Variants in MDN1 observed in about 807,000 individuals in gnomAD.
The protein encoded by MDN1 is midasin AAA ATPase 1, also known as midasin.
MDN1 carries 266 observed loss-of-function variants against 669.2 expected under a neutral mutation model. The ratio of observed to expected loss-of-function variants is 0.40; its 90% CI spans 0.36 to 0.44. MDN1 has a LOEUF of 0.44. MDN1 is among the 20% of genes least tolerant of loss of function. MDN1 has a pLI of 1.00. For missense variants in MDN1, 5,940 were observed against 6,754.0 expected (o/e 0.88, Z 4.22); for synonymous variants, 2,385 against 2,457.1 (o/e 0.97, Z 0.87).
At chr6:89,710,818 G>A in intron 49 of MDN1, 24 bp from the exon 50 acceptor site, 1 of 1,404,648 alleles carries the variant, frequency 7.1e-7, no homozygotes, top group Non-Finnish European at 1.0e-6. Flanking sequence ...AGAAACCAGT[G>A]TTAGACTCTA....
rs1445412134 is a variant in MDN1, at chr6:89,753,636, A to T, written c.2965-14T>A. On this transcript the variant is annotated splice_polypyrimidine_tract_variant and intron_variant, in intron 21 of 101. Transcript: ENST00000369393. ...CAAACAAAAACCCTAGAAAGAAAAG[A>T]CAAATATGCATAATGCTAAATAACC... is the stretch of plus-strand genomic sequence containing the variant. The T allele has an allele frequency of 1.3e-6, 2 of 1,566,682 alleles. No individual in the cohort carries two copies. Among genetic ancestry groups the T allele is most frequent in the Non-Finnish European group, 1.8e-6 (2 of 1,136,848 alleles).
Position 89,713,197 on chromosome 6 carries a change from G to A in MDN1, c.7169C>T (p.Ala2390Val). 1 of 1,614,134 alleles carries A rather than the reference G, an allele frequency of 6.2e-7. No homozygotes were observed. Among genetic ancestry groups the A allele is most frequent in the Admixed American group, 1.7e-5 (1 of 60,024 alleles). ...GLSLDRAFSE[A>V]CWEVYVCSQH... ...GGAACAGACATATACTTCCCAGCATGCTTCAGAAAAGGCTCTGTCTAAACT... is the reference window on the plus strand; with the variant it reads ...GGAACAGACATATACTTCCCAGCATACTTCAGAAAAGGCTCTGTCTAAACT... Residue 2390 changes from alanine to valine, a missense_variant, in exon 47 of 102, where the codon GCA becomes GTA. Physicochemically the swap from Ala to Val is moderately conservative, Grantham distance 64. Transcript: ENST00000369393.
At chr6:89,743,013 T>C in intron 31 of MDN1, 137 bp downstream of exon 31, 1 of 1,041,582 alleles carries the variant, frequency 9.6e-7, no homozygotes, top group Non-Finnish European at 1.4e-6. Context: ...GCCCAGAAGT[T>C]TGAGGCTACA....
Position 89,694,099 on chromosome 6 carries a change from C to T in MDN1, c.9856G>A (p.Val3286Ile), listed in dbSNP as rs1177689521. 5.6e-6 allele frequency: 9 copies of T among 1,614,188 alleles called. No homozygotes were observed. The Admixed American group carries it at 8.3e-5, about 15-fold the overall frequency. The change falls in exon 62 of 102, where the codon GTC (valine) becomes ATC (isoleucine). Residue 3286 changes from valine (V) to isoleucine (I), a missense_variant. Around this residue, in one of 5 missense-constraint regions of MDN1, gnomAD observed 2,292 missense variants for 2,638.3 expected, o/e 0.87. Coordinates refer to ENST00000369393, the MANE Select transcript of MDN1 (RefSeq NM_014611.3). ...TGRDLEDEVVVSYSHPHVRLL... is the reference protein window; with the variant it reads ...TGRDLEDEVVISYSHPHVRLL... ...CTGACGTGAGGATGAGAGTAGCTGA[C>T]AACGACTTCATCTTCCAGGTCTCTT...
chr6:89,757,506 T>C (rs1460524347), intron 19 of MDN1, among the ~76,000 whole-genome samples: 1 of 152,214 alleles, frequency 6.6e-6, no homozygotes, highest in African/African-American at 2.4e-5. Context: ...GATTCCCATA[T>C]GCCTACCACC....
chr6:89,700,068 G>A lies in MDN1; in HGVS notation c.8865C>T (p.Leu2955=). 2 of 1,613,790 alleles carry A rather than the reference G, an allele frequency of 1.2e-6. No homozygotes were observed. The highest frequency in any genetic ancestry group is 1.1e-5 in the South Asian group (1 of 91,040). Reference sequence around the variant, plus strand: ...CAACTGAAAGCATGGTTTACCTTCTGAGACAAGCTTGTGCCATAAAATCAG... The same window carrying A: ...CAACTGAAAGCATGGTTTACCTTCTAAGACAAGCTTGTGCCATAAAATCAG... ...VTADFMAQAC[L]RRCSKNQQPQ... The change falls in exon 57 of 102, where the codon CTC becomes CTT. Residue 2955 remains leucine (L), a synonymous_variant. Transcript: ENST00000369393.
intron 31 of MDN1, 115 bp from the exon 32 acceptor site, chr6:89,740,493 T>G: frequency 9.8e-7 from 1 of 1,022,676 alleles, no homozygotes; most frequent in Non-Finnish European, 1.3e-6. Flanking sequence ...GAATTTTTAC[T>G]TTAGTTAATG....
intron 15 of MDN1, among the ~76,000 whole-genome samples, chr6:89,769,276 C>T (rs1469842065): frequency 1.3e-5 from 2 of 152,158 alleles, no homozygotes; most frequent in South Asian, 2.1e-4. Flanking sequence ...TCATCTTCTA[C>T]AATGATTCTT....
intron 33 of MDN1, among the ~76,000 whole-genome samples, chr6:89,735,356 C>A (rs1584289197): frequency 7.1e-6 from 1 of 140,620 alleles, no homozygotes. Context: ...TTAAACACAT[C>A]AATATCACAG....
At chr6:89,714,497 C>G in intron 46 of MDN1, 46 bp downstream of exon 46, 1 of 1,448,534 alleles carries the variant, frequency 6.9e-7, no homozygotes, top group Non-Finnish European at 9.4e-7. Context: ...ACATAAATTT[C>G]TTGAAGACTA....
At position 89,656,779 on chromosome 6, in the gene MDN1, T is replaced by G; in HGVS notation, c.15206A>C (p.Asp5069Ala). ...TTCATGGCCTTCTGCCTGGTTTGCA[T>G]CTGCAGCTCCACTTCCGTGTTCCTA... ...GKEEHGSGAADANQAEGHESN... is the reference protein window; with the variant it reads ...GKEEHGSGAAAANQAEGHESN... The change falls in exon 91 of 102, where the codon GAT becomes GCT. Residue 5069 changes from aspartate (D) to alanine (A), a missense_variant. This residue lies in a region of MDN1 where 2,280 missense variants were observed against 2,576.3 expected (regional missense o/e 0.88). Coordinates refer to ENST00000369393, the MANE Select transcript of MDN1 (RefSeq NM_014611.3). The G allele has an allele frequency of 6.2e-7, 1 of 1,613,682 alleles. No individual in the cohort carries two copies.
chr6:89,692,351 A>G, intron 63 of MDN1, 92 bp downstream of exon 63: 3 of 1,115,000 alleles, frequency 2.7e-6, no homozygotes, highest in Non-Finnish European at 3.8e-6. Flanking sequence ...CTGTGTATCT[A>G]CTAGGCATGC....
intron 53 of MDN1, among the ~76,000 whole-genome samples, chr6:89,703,883 C>T (rs758041352): frequency 6.6e-6 from 1 of 151,498 alleles, no homozygotes; most frequent in South Asian, 2.1e-4. Context: ...CGTGGTGGCA[C>T]GCGCCTGTAA....
At chr6:89,713,043 T>A in intron 47 of MDN1, 105 bp downstream of exon 47, 1 of 1,271,024 alleles carries the variant, frequency 7.9e-7, no homozygotes, top group Non-Finnish European at 1.1e-6. Flanking sequence ...ACTGCAGTGG[T>A]CAACTCTCTT....
At chr6:89,757,297 G>A (rs915105746) in intron 19 of MDN1, among the ~76,000 whole-genome samples, 10 of 152,286 alleles carry the variant, frequency 6.6e-5, no homozygotes, top group South Asian at 2.1e-4. Context: ...AAACTTTAAA[G>A]GCCTTTTCAA....
rs974836228 is a variant in MDN1 at position 89,655,705 on chromosome 6, A to G, written c.15490+59T>C. 18 of 1,437,396 alleles carry G rather than the reference A, an allele frequency of 1.3e-5. No homozygotes were observed. The African/African-American group carries it at 2.4e-4, about 19-fold the overall frequency. The allele number at this position is 1,437,396 out of a possible 1,614,324, so 89.0% of individuals were successfully genotyped here. Reference sequence around the variant, plus strand: ...TACGTATCATTATTATAGGTCACATAGCACAAGCTCTCATAGAGAGCTCAG... The same window carrying G: ...TACGTATCATTATTATAGGTCACATGGCACAAGCTCTCATAGAGAGCTCAG... On this transcript the variant is annotated intron_variant, in intron 92 of 101. Coordinates refer to ENST00000369393, the MANE Select transcript of MDN1 (RefSeq NM_014611.3).
intron 29 of MDN1, among the ~76,000 whole-genome samples, chr6:89,744,114 A>C (rs527557424): frequency 1.5e-4 from 21 of 143,426 alleles, no homozygotes; most frequent in Admixed American, 2.2e-4. Flanking sequence ...AAAAAAAAAA[A>C]AAAAAAAAAA....
intron 24 of MDN1, 127 bp from the exon 25 acceptor site, chr6:89,749,878 C>A (rs879182306): frequency 1.3e-6 from 1 of 763,470 alleles, no homozygotes; most frequent in Non-Finnish European, 2.1e-6. Flanking sequence ...TGTAGCTAGT[C>A]TTGCCTCAAA....
At chr6:89,687,692 T>A (rs552398550) in intron 67 of MDN1, among the ~76,000 whole-genome samples, 1 of 152,308 alleles carries the variant, frequency 6.6e-6, no homozygotes, top group South Asian at 2.1e-4. Context: ...ATTCGTGCTC[T>A]TTGCTATCTG....
Sources: gnomAD v4.1 joint callset for allele counts (sites outside exome capture counted in the v4.1 genomes callset) on GRCh38, gnomAD v4.1.1 for gene constraint, gnomAD v4.1.1 regional missense constraint, MANE v1.5 for transcripts, NCBI Gene and HGNC (gene_info 2026-07-23, HGNC 2026-07-21) for gene names.